The following CPEB3 variants were observed in gnomAD, a reference collection of about 807,000 sequenced individuals.
CPEB3 encodes the protein cytoplasmic polyadenylation element-binding protein 3.
CPEB3 carries 20 observed loss-of-function variants against 67.2 expected under a neutral mutation model. That is an observed-to-expected ratio of 0.30 (90% CI 0.21 to 0.43). The LOEUF (loss-of-function observed/expected upper bound fraction) is 0.43, where lower values mean the gene tolerates loss of function less well. CPEB3 is among the 20% of genes least tolerant of loss of function. The probability of loss-of-function intolerance (pLI) is 1.00; values close to 1 mark genes in which losing one functional copy is unlikely to be tolerated. For missense variants in CPEB3, 746 were observed against 968.6 expected (o/e 0.77, Z 3.05); for synonymous variants, 376 against 393.1 (o/e 0.96, Z 0.51).
intron 1 of CPEB3, among the ~76,000 whole-genome samples, chr10:92,252,041 T>C (rs771644458): frequency 4.6e-5 from 7 of 151,542 alleles, no homozygotes; most frequent in African/African-American, 1.7e-4. Flanking sequence ...GCTCTCTCTC[T>C]CTATATATAT....
Position 92,289,741 on chromosome 10 carries a change from A to ATATATG in CPEB3, c.-12+1184_-12+1185insCATATA, listed in dbSNP as rs1300560557. On this transcript the variant is annotated intron_variant, in intron 1 of 9. Transcript: ENST00000265997. ...ACCAAAAAAAAAAAAAAATATATAT[A>ATATATG]TATATATATATATATATGTATTATA... is the stretch of plus-strand genomic sequence containing the variant. Among the ~76,000 whole-genome samples the ATATATG allele has an allele frequency of 6.6e-5, 8 of 121,490 alleles. 1 individual carries two copies. Among genetic ancestry groups the ATATATG allele is most frequent in the African/African-American group, 2.8e-4 (8 of 28,734 alleles). 79.7% of individuals were successfully genotyped at this position (121,490 alleles called of 152,430 possible).
In CPEB3 at chr10:92,124,193, G is replaced by A. The variant is rs528346674; in HGVS notation, c.1454-12999C>T. On this transcript the variant is annotated intron_variant, in intron 6 of 9. Transcript: ENST00000265997. ...CCTCTGCCTGGTCATAGCACAGTGTGTACTTAGGTGACCTTGAACAAGATG... is the reference window on the plus strand; with the variant it reads ...CCTCTGCCTGGTCATAGCACAGTGTATACTTAGGTGACCTTGAACAAGATG... Among the ~76,000 whole-genome samples, 6 of 152,326 alleles carry A rather than the reference G, an allele frequency of 3.9e-5. No individual in the cohort carries two copies. In the South Asian group the frequency reaches 6.2e-4, roughly 16 times the overall value.
chr10:92,276,248 T>C (rs1039033465), intron 1 of CPEB3, among the ~76,000 whole-genome samples: 5 of 152,068 alleles, frequency 3.3e-5, no homozygotes, highest in Non-Finnish European at 7.4e-5. Context: ...CTTTTGGCTA[T>C]TATGAATAAT....
At chr10:92,194,970 G>A (rs536485749) in intron 2 of CPEB3, among the ~76,000 whole-genome samples, 3 of 151,834 alleles carry the variant, frequency 2.0e-5, no homozygotes, top group East Asian at 3.9e-4. Context: ...CGTGAACCTG[G>A]GAGGTGGAGC....
chr10:92,275,934 C>T lies in CPEB3; in HGVS notation c.-12+14992G>A, dbSNP rs540316400. Among the ~76,000 whole-genome samples the T allele has an allele frequency of 4.0e-5, 6 of 150,602 alleles. 1 individual carries two copies. The South Asian group carries it at 6.3e-4, about 16-fold the overall frequency. On this transcript the variant is annotated intron_variant, in intron 1 of 9. Transcript: ENST00000265997. ...CGCGATCTTGGCTCACTGCAAGCTC[C>T]GCCTCCTGGGTTCACGCCATTCTCC...
At chr10:92,137,866 TG>T (rs1846185021) in intron 6 of CPEB3, among the ~76,000 whole-genome samples, 1 of 152,126 alleles carries the variant, frequency 6.6e-6, no homozygotes, top group African/African-American at 2.4e-5. Context: ...CCGGGCATGG[TG>T]GCAAGTGCCT....
At position 92,239,644 on chromosome 10, in the gene CPEB3, G is replaced by A; in HGVS notation, c.707C>T (p.Ser236Leu). ...VAAAAAAAAA[S>L]SASSSWNTHQ... is the part of the protein sequence containing the mutation. ...CGTGTTCCAGCTGGACGAGGCCGAC[G>A]AGGCGGCGGCTGCGGCAGCAGCGGC... The change falls in exon 2 of 10, where the codon TCG becomes TTG. Residue 236 changes from serine to leucine, a missense_variant. Coordinates refer to ENST00000265997, the MANE Select transcript of CPEB3 (RefSeq NM_014912.5). This position sits in a 1 kb window ranked among gnomAD's most constrained non-coding sequence, Gnocchi z 6.0. The A allele has an allele frequency of 1.3e-6, 2 of 1,561,132 alleles. No individual in the cohort carries two copies. The highest frequency in any genetic ancestry group is 2.4e-5 in the East Asian group (1 of 41,852).
intron 6 of CPEB3, among the ~76,000 whole-genome samples, chr10:92,114,936 T>C (rs1165099227): frequency 6.6e-6 from 1 of 152,254 alleles, no homozygotes; most frequent in Non-Finnish European, 1.5e-5. Flanking sequence ...TAGATAAAAT[T>C]AAAGTTGAGT....
At chr10:92,207,010 G>C (rs1849824185) in intron 2 of CPEB3, among the ~76,000 whole-genome samples, 1 of 151,966 alleles carries the variant, frequency 6.6e-6, no homozygotes, top group Admixed American at 6.6e-5. Flanking sequence ...TTTTGAGACA[G>C]GGTCTCACTC....
intron 1 of CPEB3, among the ~76,000 whole-genome samples, chr10:92,242,904 C>T (rs996730342): frequency 2.6e-5 from 4 of 152,068 alleles, no homozygotes; most frequent in Admixed American, 1.3e-4. Flanking sequence ...TAAATAAGAC[C>T]TTTTCAAACA....
intron 7 of CPEB3, among the ~76,000 whole-genome samples, chr10:92,100,507 C>G (rs1031772551): frequency 1.3e-5 from 2 of 152,012 alleles, no homozygotes; most frequent in Non-Finnish European, 2.9e-5. Context: ...AACTCCTGAC[C>G]TCAGGTGATC....
intron 1 of CPEB3, among the ~76,000 whole-genome samples, chr10:92,281,726 A>C (rs964056225): frequency 6.6e-6 from 1 of 152,224 alleles, no homozygotes; most frequent in African/African-American, 2.4e-5. Flanking sequence ...AGTATCTTCT[A>C]CTGTTTAATC....
At chr10:92,056,973 G>A (rs1231660820) in intron 9 of CPEB3, among the ~76,000 whole-genome samples, 1 of 152,148 alleles carries the variant, frequency 6.6e-6, no homozygotes, top group East Asian at 1.9e-4. Flanking sequence ...ACACACCTTG[G>A]GCCAGAAGGG....
chr10:92,232,380 G>A (rs865855776), intron 2 of CPEB3, among the ~76,000 whole-genome samples: 1 of 152,032 alleles, frequency 6.6e-6, no homozygotes, highest in Middle Eastern at 3.4e-3. Context: ...TTTGATACCT[G>A]CAGATCAAAA....
intron 4 of CPEB3, among the ~76,000 whole-genome samples, chr10:92,171,957 C>T (rs930948275): frequency 6.6e-6 from 1 of 152,124 alleles, no homozygotes; most frequent in Admixed American, 6.6e-5. Flanking sequence ...AGGAGCACTA[C>T]ACAACCTTAC....
chr10:92,057,415 C>T (rs1842153388), intron 9 of CPEB3, among the ~76,000 whole-genome samples: 1 of 152,168 alleles, frequency 6.6e-6, no homozygotes, highest in Admixed American at 6.5e-5. Context: ...GGTTTGAGTA[C>T]CAGCTCAGTC....
chr10:92,119,303 A>T (rs1845213965), intron 6 of CPEB3: 1 of 1,467,740 alleles, frequency 6.8e-7, no homozygotes, highest in South Asian at 1.1e-5. Flanking sequence ...CCCTTGGAGC[A>T]GTAGAGTACC....
chr10:92,195,894 T>G (rs1159834248), intron 2 of CPEB3, among the ~76,000 whole-genome samples: 1 of 152,232 alleles, frequency 6.6e-6, no homozygotes, highest in East Asian at 1.9e-4. Context: ...CCATGGTTAC[T>G]TCTATAGAAA....
At position 92,180,985 on chromosome 10, in the gene CPEB3, T is replaced by C; in HGVS notation, c.1200A>G (p.Thr400=). 1 of 1,517,030 alleles carries C rather than the reference T, an allele frequency of 6.6e-7. No individual in the cohort carries two copies. The highest frequency in any genetic ancestry group is 9.2e-7 in the Non-Finnish European group (1 of 1,092,580). The allele number at this position is 1,517,030 out of a possible 1,614,324, so 94.0% of individuals were successfully genotyped here. The change falls in exon 4 of 10, where the codon ACA becomes ACG. Residue 400 remains threonine, a synonymous_variant. Coordinates refer to ENST00000265997, the MANE Select transcript of CPEB3 (RefSeq NM_014912.5). ...RMGINFHHPG[T]DNIMALNNAF... ...TACTGTTAAGTGCCATAATATTATC[T>C]GTTCCTGGATGATGGAAATTTATCC...
Sources: allele counts gnomAD v4.1 joint callset (sites outside exome capture counted in the v4.1 genomes callset), GRCh38; gene constraint gnomAD v4.1.1; non-coding constraint Gnocchi (gnomAD v3.1); transcripts MANE v1.5; gene names NCBI Gene and HGNC (gene_info 2026-07-23, HGNC 2026-07-21).